KAZN: variants seen among roughly 807,000 people sequenced by gnomAD.
KAZN encodes the protein kazrin, periplakin interacting protein, also known as kazrin.
Under a neutral mutation model 87.4 loss-of-function variants are expected in KAZN, and 40 were observed. The observed-to-expected ratio is 0.46, with a 90% confidence interval of 0.36 to 0.60. The LOEUF is 0.60. KAZN is among the 20% of genes least tolerant of loss of function. KAZN has a pLI of 0.00. For missense variants in KAZN, 898 were observed against 1,073.9 expected (o/e 0.84, Z 2.29); for synonymous variants, 466 against 458.3 (o/e 1.02, Z -0.22).
intron 1 of KAZN, among the ~76,000 whole-genome samples, chr1:13,955,504 G>A (rs1352780053): frequency 6.6e-6 from 1 of 151,868 alleles, no homozygotes; most frequent in Admixed American, 6.6e-5. Flanking sequence ...TGGGATTTTA[G>A]ACTTTAGGGA....
chr1:14,991,780 C>G (rs1316844199), intron 2 of KAZN, among the ~76,000 whole-genome samples: 1 of 152,192 alleles, frequency 6.6e-6, no homozygotes, highest in Non-Finnish European at 1.5e-5. Context: ...CCCTGGACCG[C>G]CAGAGCCTGG....
intron 2 of KAZN, among the ~76,000 whole-genome samples, chr1:14,244,069 A>T (rs1213868440): frequency 6.6e-6 from 1 of 152,262 alleles, no homozygotes; most frequent in Non-Finnish European, 1.5e-5. Context: ...TTAAACAGAG[A>T]AAAATTATCA....
chr1:14,426,152 C>T (rs181555861), intron 2 of KAZN, among the ~76,000 whole-genome samples: 9 of 152,298 alleles, frequency 5.9e-5, no homozygotes, highest in African/African-American at 2.2e-4. Flanking sequence ...ACACACCAAG[C>T]ACCTTCTCAT....
intron 1 of KAZN, among the ~76,000 whole-genome samples, chr1:14,088,782 A>C (rs936295236): frequency 2.0e-5 from 3 of 151,788 alleles, no homozygotes; most frequent in African/African-American, 7.3e-5. Flanking sequence ...TAGTTATATC[A>C]TTTATTGTTT....
At chr1:14,043,125 T>A (rs979710947) in intron 1 of KAZN, among the ~76,000 whole-genome samples, 1 of 152,224 alleles carries the variant, frequency 6.6e-6, no homozygotes, top group African/African-American at 2.4e-5. Flanking sequence ...TCTCAATAAA[T>A]TTGACTACTT....
At chr1:14,894,265 T>G (rs530365394) in intron 1 of KAZN, among the ~76,000 whole-genome samples, 1 of 152,160 alleles carries the variant, frequency 6.6e-6, no homozygotes, top group Non-Finnish European at 1.5e-5. Flanking sequence ...TGGCTCCTCC[T>G]GCATCCTCCA....
intron 1 of KAZN, among the ~76,000 whole-genome samples, chr1:13,996,833 C>A (rs943399526): frequency 1.3e-5 from 2 of 152,190 alleles, no homozygotes; most frequent in East Asian, 3.9e-4. Flanking sequence ...GCGAAGCACA[C>A]CCCCCTCCGC....
chr1:14,287,151 C>T (rs1157036469), intron 2 of KAZN, among the ~76,000 whole-genome samples: 1 of 152,162 alleles, frequency 6.6e-6, no homozygotes, highest in East Asian at 1.9e-4. Flanking sequence ...ATCCACTGAC[C>T]TCCAGAACTT....
At chr1:14,279,344 A>T (rs576826466) in intron 2 of KAZN, among the ~76,000 whole-genome samples, 2 of 152,330 alleles carry the variant, frequency 1.3e-5, no homozygotes, top group Admixed American at 6.5e-5. Context: ...ATGAAATCAC[A>T]GGCAAAGAGC....
At chr1:14,950,177 G>T (rs774513242) in intron 1 of KAZN, among the ~76,000 whole-genome samples, 8 of 152,044 alleles carry the variant, frequency 5.3e-5, no homozygotes, top group Non-Finnish European at 1.2e-4. Flanking sequence ...TGTTATTTGA[G>T]AGTCTTCTCC....
At chr1:14,666,119 C>T (rs1639536330) in intron 1 of KAZN, among the ~76,000 whole-genome samples, 1 of 151,754 alleles carries the variant, frequency 6.6e-6, no homozygotes, top group Non-Finnish European at 1.5e-5. Context: ...GAGGGTCTGC[C>T]GAAAGAATAG....
At chr1:14,803,071 G>C (rs547902143) in intron 1 of KAZN, among the ~76,000 whole-genome samples, 3 of 152,204 alleles carry the variant, frequency 2.0e-5, no homozygotes, top group Non-Finnish European at 4.4e-5. Flanking sequence ...ATTTAAAAGA[G>C]AAGTGAGAGA....
At chr1:15,110,307 GTA>G (rs1438542703) in intron 13 of KAZN, among the ~76,000 whole-genome samples, 1 of 151,056 alleles carries the variant, frequency 6.6e-6, no homozygotes, top group African/African-American at 2.4e-5. Context: ...ATGTATGTGT[GTA>G]TTTGTGTATT....
At chr1:15,057,613 G>A (rs1405157640) in intron 5 of KAZN, among the ~76,000 whole-genome samples, 2 of 152,146 alleles carry the variant, frequency 1.3e-5, no homozygotes, top group East Asian at 1.9e-4. Context: ...TGGGGTAAGC[G>A]TGGGCAGCTC....
At chr1:14,661,873 G>A (rs1469342965) in intron 1 of KAZN, among the ~76,000 whole-genome samples, 2 of 152,114 alleles carry the variant, frequency 1.3e-5, no homozygotes, top group South Asian at 2.1e-4. Flanking sequence ...CCGAGATCAC[G>A]CCACTGCACT....
At chr1:14,054,971 T>C (rs772341223) in intron 1 of KAZN, among the ~76,000 whole-genome samples, 3 of 152,310 alleles carry the variant, frequency 2.0e-5, no homozygotes, top group Non-Finnish European at 2.9e-5. Flanking sequence ...AGTTCTTTGC[T>C]GTGGGGTCTG....
chr1:14,302,058 G>A (rs1654595249), intron 2 of KAZN, among the ~76,000 whole-genome samples: 1 of 152,150 alleles, frequency 6.6e-6, no homozygotes, highest in Non-Finnish European at 1.5e-5. Flanking sequence ...CTGGCACTTG[G>A]ATACATGATG....
At chr1:14,702,260 A>G (rs1641964121) in intron 1 of KAZN, among the ~76,000 whole-genome samples, 1 of 151,574 alleles carries the variant, frequency 6.6e-6, no homozygotes, top group African/African-American at 2.4e-5. Context: ...TCCGTGCAGG[A>G]GTTCTGAACT....
intron 2 of KAZN, among the ~76,000 whole-genome samples, chr1:14,410,389 G>A (rs1664211995): frequency 1.3e-5 from 2 of 152,196 alleles, no homozygotes; most frequent in South Asian, 2.1e-4. Context: ...GGTGTGAGTC[G>A]CCATTCCCGG....
Sources: allele counts gnomAD v4.1 joint callset (sites outside exome capture counted in the v4.1 genomes callset), GRCh38; gene constraint gnomAD v4.1.1; transcripts MANE v1.5; gene names NCBI Gene and HGNC (gene_info 2026-07-23, HGNC 2026-07-21).